Variants in ECSCR observed in about 807,000 individuals in gnomAD.
ECSCR encodes the protein endothelial cell surface expressed chemotaxis and apoptosis regulator.
Under a neutral mutation model 16.7 loss-of-function variants are expected in ECSCR, and 12 were observed. The ratio of observed to expected loss-of-function variants is 0.72; its 90% CI spans 0.46 to 1.17. The LOEUF is 1.17. Among genes scored for constraint, ECSCR ranks in the 50% most tolerant of loss-of-function variants. The pLI, the probability that ECSCR is intolerant of heterozygous loss-of-function variation, is 0.00. For missense variants in ECSCR, 122 were observed against 116.1 expected, an observed-to-expected ratio of 1.05 and a Z score of -0.23; for synonymous variants, 44 against 42.2, an observed-to-expected ratio of 1.04 and a Z score of -0.17.
chr5:139,448,908 C>A lies in ECSCR; in HGVS notation c.610G>T (p.Val204Phe). ...NGKQSLSAEK[V>F]L ...GGGACCCAAAGTTGCTTTTAAAGAA[C>A]CTGCAAAATAAATGCATAATGGGGA... The change falls in exon 10 of 10, where the codon GTT becomes TTT. Residue 204 changes from valine to phenylalanine, a missense_variant and splice_region_variant. By Grantham distance (50) the Val-to-Phe change is conservative. Coordinates refer to ENST00000618155, the MANE Select transcript of ECSCR (RefSeq NM_001077693.4). The A allele has an allele frequency of 6.5e-7, 1 of 1,537,176 alleles. No homozygotes were observed. The highest frequency in any genetic ancestry group is 2.4e-5 in the East Asian group (1 of 40,912).
At chr5:139,461,263 A>G (rs963477657) in intron 1 of ECSCR, among the ~76,000 whole-genome samples, 11 of 152,218 alleles carry the variant, frequency 7.2e-5, no homozygotes, top group African/African-American at 9.6e-5. Context: ...GACATGCTCA[A>G]TGAAGGCCAG....
chr5:139,454,810 G>A lies in ECSCR; in HGVS notation c.475+15C>T, dbSNP rs915438099. On this transcript the variant is annotated intron_variant, in intron 7 of 9. Transcript: ENST00000618155. The stretch of plus-strand genomic sequence containing the variant: ...CAGCAGAGGGGAAAAAGATCCCCGA[G>A]GGCAGGGCACGCACCTTCAGACTCC... The A allele has an allele frequency of 2.5e-6, 1 of 398,500 alleles. No individual in the cohort carries two copies. The highest frequency in any genetic ancestry group is 4.4e-6 in the Non-Finnish European group (1 of 226,106). 24.7% of individuals were successfully genotyped at this position (398,500 alleles called of 1,614,324 possible). A position where few individuals can be genotyped will look rare whatever the true frequency, so the allele number is the denominator to read the frequency against.
intron 1 of ECSCR, among the ~76,000 whole-genome samples, chr5:139,459,949 C>T (rs970499699): frequency 9.8e-5 from 15 of 152,292 alleles, no homozygotes; most frequent in African/African-American, 3.6e-4. Context: ...ATCACCATTT[C>T]TGAGAGCCCC....
intron 8 of ECSCR, among the ~76,000 whole-genome samples, chr5:139,451,327 G>C (rs1451603388): frequency 1.3e-5 from 2 of 149,570 alleles, no homozygotes; most frequent in African/African-American, 4.9e-5. Flanking sequence ...GTGGTGTAAG[G>C]TGTATATGTT....
intron 8 of ECSCR, among the ~76,000 whole-genome samples, chr5:139,449,431 G>A (rs897517808): frequency 6.6e-6 from 1 of 151,972 alleles, no homozygotes; most frequent in Non-Finnish European, 1.5e-5. Context: ...TCCACCTCTC[G>A]GGTTCAAGCG....
At chr5:139,449,708 T>C (rs573975745) in intron 8 of ECSCR, among the ~76,000 whole-genome samples, 2 of 152,174 alleles carry the variant, frequency 1.3e-5, no homozygotes, top group East Asian at 3.9e-4. Context: ...ACAACCTCTA[T>C]TAAAGCCTCA....
Position 139,461,244 on chromosome 5 carries a change from G to A in ECSCR, c.61+1366C>T, listed in dbSNP as rs143577454. ...GGAAAATGCATATGAAGCACTTAAC[G>A]CAGTGCCTGACATGCTCAATGAAGG... On this transcript the variant is annotated intron_variant, in intron 1 of 9. Coordinates refer to ENST00000618155, the MANE Select transcript of ECSCR (RefSeq NM_001077693.4). Among the ~76,000 whole-genome samples, 1,499 of 152,284 alleles carry A rather than the reference G, an allele frequency of 9.8e-3. 12 individuals are homozygous for A. The highest frequency in any genetic ancestry group is 9.5e-3 in the Admixed American group (145 of 15,290).
chr5:139,452,267 TATA>T (rs1751073909), intron 8 of ECSCR, among the ~76,000 whole-genome samples: 1 of 28,934 alleles, frequency 3.5e-5, no homozygotes, highest in African/African-American at 1.3e-4. Flanking sequence ...GGTATATGTG[TATA>T]GTGTGGGGTG....
chr5:139,448,812 T>G lies in ECSCR; in HGVS notation c.*88A>C. 2 of 1,524,890 alleles carry G rather than the reference T, an allele frequency of 1.3e-6. No homozygotes were observed. The highest frequency in any genetic ancestry group is 8.8e-7 in the Non-Finnish European group (1 of 1,142,524). 94.5% of individuals were successfully genotyped at this position (1,524,890 alleles called of 1,614,324 possible). ...AACAATAAAATAATTTACATGTGGT[T>G]CATTGCCTCTACTAATTCCATCTCT... On this transcript the variant is annotated 3_prime_UTR_variant, in exon 10 of 10. Transcript: ENST00000618155.
chr5:139,448,867 C>T lies in ECSCR; in HGVS notation c.*33G>A. 4 of 1,537,078 alleles carry T rather than the reference C, an allele frequency of 2.6e-6. No individual in the cohort carries two copies. Among genetic ancestry groups the T allele is most frequent in the Non-Finnish European group, 3.5e-6 (4 of 1,146,850 alleles). On this transcript the variant is annotated 3_prime_UTR_variant, in exon 10 of 10. Transcript: ENST00000618155. Reference sequence around the variant, plus strand: ...CCTTGTAGTCACAGGGCAGCTGCATCATCCTTGGACTCATGGGGACCCAAA... The same window carrying T: ...CCTTGTAGTCACAGGGCAGCTGCATTATCCTTGGACTCATGGGGACCCAAA...
intron 5 of ECSCR, among the ~76,000 whole-genome samples, chr5:139,455,814 T>TAAAAAAAA (rs1187505493): frequency 4.1e-5 from 2 of 49,092 alleles, no homozygotes; most frequent in African/African-American, 1.5e-4. Context: ...CCATCTCTCC[T>TAAAAAAAA]AAAAAAAAAA....
chr5:139,458,500 C>CAAAAAAA (rs397882364), intron 1 of ECSCR, among the ~76,000 whole-genome samples: 40 of 85,344 alleles, frequency 4.7e-4, no homozygotes, highest in African/African-American at 1.2e-3. Flanking sequence ...CCTATCTCAA[C>CAAAAAAA]AAAAAAAAAA....
intron 8 of ECSCR, among the ~76,000 whole-genome samples, chr5:139,451,577 G>A (rs1366475512): frequency 2.1e-5 from 3 of 144,936 alleles, no homozygotes; most frequent in South Asian, 2.3e-4. Flanking sequence ...GTGTGGTGTG[G>A]TGTGTGTGTG....
chr5:139,451,965 G>C (rs1751061421), intron 8 of ECSCR, among the ~76,000 whole-genome samples: 2 of 148,416 alleles, frequency 1.3e-5, no homozygotes, highest in African/African-American at 5.0e-5. Context: ...TGTGTGTATA[G>C]TATAGGGTGT....
At chr5:139,452,260 A>G (rs1481440030) in intron 8 of ECSCR, among the ~76,000 whole-genome samples, 157 of 21,556 alleles carry the variant, frequency 7.3e-3, no homozygotes, top group South Asian at 0.011. Flanking sequence ...GTGTGTGGGT[A>G]TATGTGTATA....
At chr5:139,460,350 G>A (rs933419640) in intron 1 of ECSCR, among the ~76,000 whole-genome samples, 1 of 152,044 alleles carries the variant, frequency 6.6e-6, no homozygotes, top group East Asian at 1.9e-4. Flanking sequence ...TGGCCAGGCT[G>A]GTCTCAAACT....
chr5:139,455,574 A>G (rs1751139287), intron 5 of ECSCR, 138 bp from the exon 6 acceptor site: 1 of 383,102 alleles, frequency 2.6e-6, no homozygotes, highest in African/African-American at 2.1e-5. Context: ...GGCAAAATAG[A>G]GCTGTCTGTA....
At chr5:139,458,267 G>C (rs1751205662) in intron 1 of ECSCR, 84 bp from the exon 2 acceptor site, 1 of 1,341,474 alleles carries the variant, frequency 7.5e-7, no homozygotes, top group Non-Finnish European at 1.0e-6. Context: ...ATGCCTTCTG[G>C]CCCAGCCTGG....
intron 1 of ECSCR, among the ~76,000 whole-genome samples, chr5:139,459,256 G>A (rs1751239779): frequency 6.6e-6 from 1 of 152,166 alleles, no homozygotes; most frequent in African/African-American, 2.4e-5. Context: ...GGGAAGGTGA[G>A]TGAGATGGGG....
Sources: allele counts gnomAD v4.1 joint callset (sites outside exome capture counted in the v4.1 genomes callset), GRCh38; gene constraint gnomAD v4.1.1; transcripts MANE v1.5; gene names NCBI Gene and HGNC (gene_info 2026-07-23, HGNC 2026-07-21).